The following ADAMTS12 variants were observed in gnomAD, a reference collection of about 807,000 sequenced individuals.
ADAMTS12 encodes the protein A disintegrin and metalloproteinase with thrombospondin motifs 12.
ADAMTS12 carries 118 observed loss-of-function variants against 167.8 expected under a neutral mutation model. That is an observed-to-expected ratio of 0.70 (90% CI 0.61 to 0.82). ADAMTS12 has a LOEUF of 0.82. Ranked by LOEUF, ADAMTS12 falls within the 40% of genes least tolerant of loss-of-function variation. The pLI, the probability that ADAMTS12 is intolerant of heterozygous loss-of-function variation, is 0.00. For synonymous variants in ADAMTS12, 704 were observed against 716.9 expected (o/e 0.98, Z 0.29); for missense variants, 1,916 against 1,998.8 (o/e 0.96, Z 0.79).
At position 33,576,725 on chromosome 5, in the gene ADAMTS12, G is replaced by C. The variant is rs1746747068; in HGVS notation, c.3301C>G (p.Pro1101Ala). The C allele has an allele frequency of 6.2e-7, 1 of 1,614,226 alleles. No homozygotes were observed. Among genetic ancestry groups the C allele is most frequent in the Admixed American group, 1.7e-5 (1 of 60,024 alleles). Residue 1101 changes from proline to alanine, a missense_variant, in exon 19 of 24, where the codon CCA (proline) becomes GCA (alanine). Pro to Ala is a conservative substitution (Grantham distance 27). Coordinates refer to ENST00000504830, the MANE Select transcript of ADAMTS12 (RefSeq NM_030955.4). ...ILTSQSLSIQ[P>A]SEENVSSSDT... ...GAACTGGAAACATTTTCCTCACTTG[G>C]CTGAATGCTCAAGGATTGGGAAGTG...
At chr5:33,827,492 G>A (rs1366447889) in intron 2 of ADAMTS12, among the ~76,000 whole-genome samples, 1 of 152,002 alleles carries the variant, frequency 6.6e-6, no homozygotes, top group African/African-American at 2.4e-5. Context: ...TCTGGCCTAC[G>A]GAATTGTAAG....
chr5:33,711,716 T>G (rs1226974180), intron 3 of ADAMTS12, among the ~76,000 whole-genome samples: 2 of 152,210 alleles, frequency 1.3e-5, no homozygotes, highest in Non-Finnish European at 2.9e-5. Flanking sequence ...TGAAAATGTC[T>G]AGAGTTAGAA....
chr5:33,757,472 G>C (rs1745206460), intron 2 of ADAMTS12, among the ~76,000 whole-genome samples: 1 of 152,110 alleles, frequency 6.6e-6, no homozygotes, highest in South Asian at 2.1e-4. Context: ...TGGAAGCTGG[G>C]TTCCACTTCT....
At chr5:33,706,102 A>G (rs1743192877) in intron 3 of ADAMTS12, among the ~76,000 whole-genome samples, 1 of 152,156 alleles carries the variant, frequency 6.6e-6, no homozygotes, top group Non-Finnish European at 1.5e-5. Flanking sequence ...TTTTTTTTAA[A>G]AAAATAGAAA....
intron 3 of ADAMTS12, among the ~76,000 whole-genome samples, chr5:33,684,321 C>A (rs6881709): frequency 1 from 151,823 of 152,312 alleles, 75,671 homozygotes; most frequent in Non-Finnish European, 1. Flanking sequence ...AAAAGACGTA[C>A]CCAACAATGG....
chr5:33,691,228 C>G (rs1208400423), intron 3 of ADAMTS12, among the ~76,000 whole-genome samples: 1 of 152,190 alleles, frequency 6.6e-6, no homozygotes, highest in Non-Finnish European at 1.5e-5. Context: ...TATTGTGACT[C>G]TCCTACTGGG....
At chr5:33,671,005 CAATTT>C (rs202122323) in intron 5 of ADAMTS12, among the ~76,000 whole-genome samples, 3,506 of 152,234 alleles carry the variant, frequency 0.023, 54 homozygotes, top group Non-Finnish European at 0.036. Context: ...TTGATACACA[CAATTT>C]CAATGGATCT....
chr5:33,800,894 C>CA (rs1014673910), intron 2 of ADAMTS12, among the ~76,000 whole-genome samples: 2 of 151,604 alleles, frequency 1.3e-5, no homozygotes, highest in African/African-American at 4.8e-5. Flanking sequence ...ATATAACAAC[C>CA]AAAAAAAGGA....
intron 2 of ADAMTS12, among the ~76,000 whole-genome samples, chr5:33,863,276 T>C (rs1047431034): frequency 8.5e-5 from 13 of 152,332 alleles, no homozygotes; most frequent in African/African-American, 3.1e-4. Flanking sequence ...GATGACATGA[T>C]TGTATATTTA....
At chr5:33,646,253 C>T (rs996304271) in intron 9 of ADAMTS12, among the ~76,000 whole-genome samples, 1 of 152,082 alleles carries the variant, frequency 6.6e-6, no homozygotes, top group African/African-American at 2.4e-5. Flanking sequence ...ATTTTAAGTG[C>T]ATCCTTGAGT....
chr5:33,622,016 A>G (rs1392067399), intron 14 of ADAMTS12, among the ~76,000 whole-genome samples: 1 of 152,198 alleles, frequency 6.6e-6, no homozygotes, highest in East Asian at 1.9e-4. Context: ...AAGCTGGTGG[A>G]AAGGAATTGT....
intron 2 of ADAMTS12, among the ~76,000 whole-genome samples, chr5:33,756,920 T>C (rs985042773): frequency 5.3e-5 from 8 of 152,220 alleles, no homozygotes; most frequent in African/African-American, 1.7e-4. Context: ...TGGGAGCCAC[T>C]AACCCCATGC....
intron 15 of ADAMTS12, among the ~76,000 whole-genome samples, chr5:33,615,101 A>G (rs1433883021): frequency 6.6e-6 from 1 of 152,224 alleles, no homozygotes; most frequent in Non-Finnish European, 1.5e-5. Context: ...CACCTTAAAC[A>G]TAGAGGCATT....
intron 12 of ADAMTS12, among the ~76,000 whole-genome samples, chr5:33,632,099 CA>C (rs1241795756): frequency 1.8e-5 from 1 of 54,164 alleles, no homozygotes; most frequent in Non-Finnish European, 7.3e-5. Flanking sequence ...AGACTGAGGT[CA>C]AAAACATGTT....
Position 33,792,436 on chromosome 5 carries a change from C to T in ADAMTS12, c.490-40888G>A, listed in dbSNP as rs549430891. On this transcript the variant is annotated intron_variant, in intron 2 of 23. Coordinates refer to ENST00000504830, the MANE Select transcript of ADAMTS12 (RefSeq NM_030955.4). The stretch of plus-strand genomic sequence containing the variant: ...GCCCATTTGAGAAAATTAGATAGGA[C>T]TAAAATTCTGTCTGAAAAGTACTGG... Among the ~76,000 whole-genome samples, 24 of 152,348 alleles carry T rather than the reference C, an allele frequency of 1.6e-4. 1 individual carries two copies. The South Asian group carries it at 4.8e-3, about 30-fold the overall frequency.
chr5:33,846,696 A>G (rs1266776520), intron 2 of ADAMTS12, among the ~76,000 whole-genome samples: 1 of 152,242 alleles, frequency 6.6e-6, no homozygotes, highest in Non-Finnish European at 1.5e-5. Flanking sequence ...CCTCAATAGT[A>G]GTAAACACCT....
chr5:33,749,735 G>A (rs16891656), intron 3 of ADAMTS12, among the ~76,000 whole-genome samples: 228 of 152,266 alleles, frequency 1.5e-3, no homozygotes, highest in African/African-American at 5.3e-3. Context: ...TAATTGTGGT[G>A]TTGCATATGC....
At chr5:33,724,538 A>C (rs1455263048) in intron 3 of ADAMTS12, among the ~76,000 whole-genome samples, 1 of 151,012 alleles carries the variant, frequency 6.6e-6, no homozygotes, top group Non-Finnish European at 1.5e-5. Flanking sequence ...ATCAAGGCTA[A>C]CAGCTTCTTT....
At chr5:33,762,846 G>T (rs1258518762) in intron 2 of ADAMTS12, among the ~76,000 whole-genome samples, 1 of 152,186 alleles carries the variant, frequency 6.6e-6, no homozygotes, top group African/African-American at 2.4e-5. Context: ...AGAAAAGAGA[G>T]GACGGGAGCT....
Sources: gnomAD v4.1 joint callset for allele counts (sites outside exome capture counted in the v4.1 genomes callset) on GRCh38, gnomAD v4.1.1 for gene constraint, MANE v1.5 for transcripts, NCBI Gene and HGNC (gene_info 2026-07-23, HGNC 2026-07-21) for gene names.